Variants in MROH9 observed in about 807,000 individuals in gnomAD.
The protein encoded by MROH9 is maestro heat-like repeat-containing protein family member 9.
MROH9 carries 92 observed loss-of-function variants against 98.2 expected under a neutral mutation model. The ratio of observed to expected loss-of-function variants is 0.94; its 90% confidence interval spans 0.79 to 1.11. The LOEUF (loss-of-function observed/expected upper bound fraction) is 1.11, where lower values mean the gene tolerates loss of function less well. Among genes scored for constraint, MROH9 ranks in the 50% most tolerant of loss-of-function variants. The probability of loss-of-function intolerance (pLI) is 0.00; values close to 1 mark genes in which losing one functional copy is unlikely to be tolerated. For synonymous variants in MROH9, 397 were observed against 368.9 expected (o/e 1.08, Z -0.87); for missense variants, 1,057 against 1,014.8 (o/e 1.04, Z -0.57).
intron 7 of MROH9, among the ~76,000 whole-genome samples, chr1:170,970,792 G>T (rs1190446930): frequency 6.6e-6 from 1 of 150,466 alleles, no homozygotes; most frequent in African/African-American, 2.5e-5. Flanking sequence ...GGAGTGGTGA[G>T]TTAAGCCACA....
intron 8 of MROH9, among the ~76,000 whole-genome samples, chr1:170,978,958 T>C (rs918622785): frequency 2.0e-5 from 3 of 152,200 alleles, no homozygotes; most frequent in Non-Finnish European, 4.4e-5. Context: ...GAGATGCTAC[T>C]GGCTCAATAG....
intron 3 of MROH9, among the ~76,000 whole-genome samples, chr1:170,956,853 C>T (rs61815215): frequency 0.08 from 12,134 of 152,048 alleles, 622 homozygotes; most frequent in Non-Finnish European, 0.11. Context: ...TTTCTTTCTC[C>T]TGCCTGATTT....
chr1:171,055,410 C>T (rs1290561974), intron 20 of MROH9, among the ~76,000 whole-genome samples: 1 of 151,974 alleles, frequency 6.6e-6, no homozygotes, highest in African/African-American at 2.4e-5. Flanking sequence ...ATCACAAGGT[C>T]AGGAGTTCAA....
chr1:170,969,124 T>A lies in MROH9; in HGVS notation c.481-2624T>A, dbSNP rs561894077. On this transcript the variant is annotated intron_variant, in intron 7 of 21. Coordinates refer to ENST00000367759, the MANE Select transcript of MROH9 (RefSeq NM_001163629.2). ...ATTTAACAGTTTCTCAAACAAAAAC[T>A]TGTACAAAGTGTTCATTGCAGCAAA... 5.3e-5 allele frequency among the ~76,000 whole-genome samples: 8 copies of A among 152,278 alleles called. No homozygotes were observed. In the South Asian group the frequency reaches 1.7e-3, roughly 32 times the overall value.
chr1:171,023,668 C>T (rs7055894), intron 17 of MROH9, among the ~76,000 whole-genome samples: 34,697 of 151,866 alleles, frequency 0.23, 6,421 homozygotes, highest in African/African-American at 0.52. Flanking sequence ...GAATACAATA[C>T]GTTTTGATAT....
intron 8 of MROH9, among the ~76,000 whole-genome samples, chr1:170,975,363 C>T (rs1650642037): frequency 6.6e-6 from 1 of 151,902 alleles, no homozygotes; most frequent in Non-Finnish European, 1.5e-5. Flanking sequence ...ATAAGAATGC[C>T]TCCAGGGAAA....
chr1:170,941,248 T>C (rs866947089), intron 1 of MROH9, among the ~76,000 whole-genome samples: 2 of 152,178 alleles, frequency 1.3e-5, no homozygotes, highest in Non-Finnish European at 2.9e-5. Flanking sequence ...CATAGGTCCC[T>C]TTGTGGCAGA....
At chr1:170,945,610 G>C (rs1474568941) in intron 2 of MROH9, 29 bp downstream of exon 2, 2 of 1,604,288 alleles carry the variant, frequency 1.2e-6, no homozygotes, top group Non-Finnish European at 8.5e-7. Flanking sequence ...ATAGAGATGG[G>C]AGAAGGTATT....
At chr1:170,962,716 G>A (rs17563453) in intron 6 of MROH9, among the ~76,000 whole-genome samples, 12,122 of 151,908 alleles carry the variant, frequency 0.08, 617 homozygotes, top group Non-Finnish European at 0.11. Context: ...GCTAATTTGT[G>A]CCTAATTTGA....
chr1:171,062,108 C>T (rs1654033424), intron 20 of MROH9, 24 bp from the exon 21 acceptor site: 1 of 1,475,972 alleles, frequency 6.8e-7, no homozygotes, highest in Non-Finnish European at 9.2e-7. Flanking sequence ...GTTGCAGTAA[C>T]TTTAATTTTT....
At chr1:171,046,257 C>T (rs1342009028) in intron 20 of MROH9, among the ~76,000 whole-genome samples, 1 of 152,162 alleles carries the variant, frequency 6.6e-6, no homozygotes, top group Non-Finnish European at 1.5e-5. Context: ...TTCAGCAAGT[C>T]TATGTCTTTT....
At chr1:170,968,576 A>C (rs1310747689) in intron 7 of MROH9, among the ~76,000 whole-genome samples, 1 of 152,080 alleles carries the variant, frequency 6.6e-6, no homozygotes, top group Non-Finnish European at 1.5e-5. Context: ...AATAAAGAAA[A>C]AATTACTATT....
intron 3 of MROH9, among the ~76,000 whole-genome samples, chr1:170,957,904 G>T (rs1649835319): frequency 1.3e-5 from 2 of 151,648 alleles, no homozygotes; most frequent in African/African-American, 4.8e-5. Flanking sequence ...TGCCTCCCGG[G>T]TTCACGCCAT....
intron 1 of MROH9, among the ~76,000 whole-genome samples, chr1:170,942,248 G>A (rs1391337738): frequency 6.6e-6 from 1 of 151,906 alleles, no homozygotes; most frequent in Non-Finnish European, 1.5e-5. Context: ...TTTGAGTCTA[G>A]TTACGGGTCT....
intron 4 of MROH9, among the ~76,000 whole-genome samples, chr1:170,959,139 G>A (rs1571450510): frequency 1.3e-5 from 2 of 152,128 alleles, no homozygotes; most frequent in East Asian, 1.9e-4. Context: ...ACTTTGGGAG[G>A]CTGAGGCGGG....
chr1:170,983,327 A>T, intron 8 of MROH9, 95 bp from the exon 9 acceptor site: 1 of 806,694 alleles, frequency 1.2e-6, no homozygotes, highest in Non-Finnish European at 2.0e-6. Context: ...TCAGATCTCC[A>T]GAACTGGGCA....
At chr1:171,018,683 TA>T (rs755257296) in intron 17 of MROH9, among the ~76,000 whole-genome samples, 11 of 152,130 alleles carry the variant, frequency 7.2e-5, no homozygotes, top group Non-Finnish European at 1.3e-4. Context: ...AGCTGCTAAC[TA>T]GAATAACCAG....
At chr1:171,050,767 A>G (rs570150264) in intron 20 of MROH9, among the ~76,000 whole-genome samples, 65 of 152,296 alleles carry the variant, frequency 4.3e-4, no homozygotes, top group African/African-American at 1.4e-3. Flanking sequence ...GAGTGGTTTC[A>G]TCTTTTCCCC....
chr1:170,973,364 C>G (rs9427210), intron 8 of MROH9, among the ~76,000 whole-genome samples: 70,395 of 151,696 alleles, frequency 0.46, 16,465 homozygotes, highest in Middle Eastern at 0.6. Flanking sequence ...TACCGAGGTA[C>G]AGTACTCAGA....
Sources: gnomAD v4.1 joint callset for allele counts (sites outside exome capture counted in the v4.1 genomes callset) on GRCh38, gnomAD v4.1.1 for gene constraint, MANE v1.5 for transcripts, NCBI Gene and HGNC (gene_info 2026-07-23, HGNC 2026-07-21) for gene names.